The following PDE1C variants were observed in gnomAD, a reference collection of about 807,000 sequenced individuals.
PDE1C encodes the protein dual specificity calcium/calmodulin-dependent 3',5'-cyclic nucleotide phosphodiesterase 1C.
In PDE1C, 62 loss-of-function variants were observed where a neutral mutation model predicts 93.1. The ratio of observed to expected loss-of-function variants is 0.67; its 90% CI spans 0.54 to 0.82. The LOEUF is 0.82. PDE1C is among the 40% of genes least tolerant of loss of function. The pLI is 0.00. For missense variants in PDE1C, 742 were observed against 884.6 expected (o/e 0.84, Z 2.04); for synonymous variants, 325 against 310.1 (o/e 1.05, Z -0.50).
At chr7:31,674,306 T>G in the PDE1C span, among the ~76,000 whole-genome samples, 2 of 152,170 alleles carry the variant, frequency 1.3e-5, no homozygotes, top group African/African-American at 4.8e-5. Flanking sequence ...AATAGAGAGA[T>G]AGTTATGCAA....
chr7:31,676,104 C>T, the PDE1C span, among the ~76,000 whole-genome samples: 3 of 152,176 alleles, frequency 2.0e-5, no homozygotes, highest in African/African-American at 7.2e-5. Flanking sequence ...CTCCGCATGA[C>T]GGTGGCCGAG....
At chr7:32,130,235 A>G (rs1363746243) in intron 3 of PDE1C, among the ~76,000 whole-genome samples, 4 of 152,040 alleles carry the variant, frequency 2.6e-5, no homozygotes, top group Admixed American at 2.6e-4. Context: ...TGCAGAAGCT[A>G]TCTATCTACC....
At chr7:32,278,719 G>A (rs549066299) in intron 1 of PDE1C, among the ~76,000 whole-genome samples, 122 of 152,318 alleles carry the variant, frequency 8.0e-4, no homozygotes, top group Non-Finnish European at 1.6e-3. Context: ...TTATGATCCA[G>A]TAATTTTTCA....
chr7:32,119,433 A>G (rs1343060200), intron 3 of PDE1C, among the ~76,000 whole-genome samples: 1 of 152,162 alleles, frequency 6.6e-6, no homozygotes, highest in Non-Finnish European at 1.5e-5. Flanking sequence ...AAACTAAATT[A>G]CAGCAAGGCT....
chr7:32,144,743 A>G (rs1395590511), intron 3 of PDE1C, among the ~76,000 whole-genome samples: 1 of 152,194 alleles, frequency 6.6e-6, no homozygotes, highest in Non-Finnish European at 1.5e-5. Context: ...CCAGATAATG[A>G]ATCCCTTTGC....
At chr7:32,347,715 T>G (rs1783882236) in intron 1 of PDE1C, among the ~76,000 whole-genome samples, 1 of 152,180 alleles carries the variant, frequency 6.6e-6, no homozygotes, top group South Asian at 2.1e-4. Context: ...CAGAGAAGTC[T>G]TTATTTGAAA....
chr7:31,802,156 T>C (rs1218336046), intron 16 of PDE1C, among the ~76,000 whole-genome samples: 1 of 151,574 alleles, frequency 6.6e-6, no homozygotes, highest in African/African-American at 2.4e-5. Context: ...TCTTACTCTT[T>C]TTCTACCTTG....
At chr7:31,908,931 A>C (rs1388904755) in intron 2 of PDE1C, among the ~76,000 whole-genome samples, 1 of 152,224 alleles carries the variant, frequency 6.6e-6, no homozygotes, top group Non-Finnish European at 1.5e-5. Flanking sequence ...CTTAAAGCAT[A>C]ACTGAGGCGT....
the PDE1C span, among the ~76,000 whole-genome samples, chr7:31,630,939 G>A: frequency 6.6e-6 from 1 of 152,142 alleles, no homozygotes; most frequent in Admixed American, 6.5e-5. Context: ...GCTAGGATGA[G>A]AGGTAGAAAC....
intron 12 of PDE1C, among the ~76,000 whole-genome samples, chr7:31,825,961 T>C (rs1003612418): frequency 6.6e-6 from 1 of 151,954 alleles, no homozygotes; most frequent in African/African-American, 2.4e-5. Flanking sequence ...GATTGGAAAG[T>C]GGAAGAGGGC....
chr7:31,712,324 C>T, the PDE1C span, among the ~76,000 whole-genome samples: 1 of 151,440 alleles, frequency 6.6e-6, no homozygotes, highest in Non-Finnish European at 1.5e-5. Context: ...TGTAAGAAGC[C>T]AAGCCTAACA....
intron 3 of PDE1C, among the ~76,000 whole-genome samples, chr7:32,080,994 T>C (rs1796633814): frequency 6.6e-6 from 1 of 152,150 alleles, no homozygotes; most frequent in Non-Finnish European, 1.5e-5. Context: ...ACTTGATTTA[T>C]GGAGAGGCAT....
At chr7:31,723,957 C>T in the PDE1C span, among the ~76,000 whole-genome samples, 7 of 117,432 alleles carry the variant, frequency 6.0e-5, no homozygotes, top group African/African-American at 2.6e-4. Flanking sequence ...TTAGATTCTT[C>T]CACTCCTTCT....
At chr7:32,261,934 A>T (rs1810231634) in intron 1 of PDE1C, among the ~76,000 whole-genome samples, 1 of 151,994 alleles carries the variant, frequency 6.6e-6, no homozygotes, top group Non-Finnish European at 1.5e-5. Context: ...TTCCATTCTG[A>T]AAAGCAAAAT....
At chr7:32,126,856 G>C (rs1329286336) in intron 3 of PDE1C, among the ~76,000 whole-genome samples, 1 of 152,194 alleles carries the variant, frequency 6.6e-6, no homozygotes, top group Non-Finnish European at 1.5e-5. Context: ...AATGAACCTT[G>C]AAGATAATTG....
intron 1 of PDE1C, among the ~76,000 whole-genome samples, chr7:32,246,044 C>T (rs1428786392): frequency 6.9e-6 from 1 of 145,300 alleles, no homozygotes; most frequent in Non-Finnish European, 1.5e-5. Flanking sequence ...TCAGAGCTCA[C>T]TGAAGCCTCG....
chr7:31,924,749 C>A (rs1803119040), intron 2 of PDE1C, among the ~76,000 whole-genome samples: 1 of 152,166 alleles, frequency 6.6e-6, no homozygotes, highest in African/African-American at 2.4e-5. Flanking sequence ...GCTGCTGGAA[C>A]CAACTGGAGA....
the PDE1C span, among the ~76,000 whole-genome samples, chr7:31,661,632 G>T: frequency 6.6e-6 from 1 of 152,226 alleles, no homozygotes; most frequent in African/African-American, 2.4e-5. Flanking sequence ...AGAATCGCTT[G>T]AACCCACAAC....
the PDE1C span, chr7:31,643,775 C>G: frequency 6.2e-7 from 1 of 1,613,990 alleles, no homozygotes; most frequent in Non-Finnish European, 8.5e-7. Flanking sequence ...CATGCTATAC[C>G]TGCCCACTGC....
Sources: gnomAD v4.1 joint callset for allele counts (sites outside exome capture counted in the v4.1 genomes callset) on GRCh38, gnomAD v4.1.1 for gene constraint, MANE v1.5 for transcripts, NCBI Gene and HGNC (gene_info 2026-07-23, HGNC 2026-07-21) for gene names.